The following SIPA1L1 variants were observed in gnomAD, a reference collection of about 807,000 sequenced individuals.
The protein encoded by SIPA1L1 is signal-induced proliferation-associated 1-like protein 1.
Under a neutral mutation model 162.7 loss-of-function variants are expected in SIPA1L1, and 26 were observed. The ratio of observed to expected loss-of-function variants is 0.16; its 90% CI spans 0.12 to 0.22. The LOEUF is 0.22. Among genes scored for constraint, SIPA1L1 ranks in the 10% least tolerant of loss-of-function variants. The pLI, the probability that SIPA1L1 is intolerant of heterozygous loss-of-function variation, is 1.00. For missense variants in SIPA1L1, 1,874 were observed against 2,241.0 expected (o/e 0.84, Z 3.31); for synonymous variants, 829 against 837.4 (o/e 0.99, Z 0.17).
intron 5 of SIPA1L1, among the ~76,000 whole-genome samples, chr14:71,591,731 T>A (rs1405087517): frequency 6.6e-6 from 1 of 152,200 alleles, no homozygotes; most frequent in Admixed American, 6.5e-5. Flanking sequence ...GATTCTACTC[T>A]TTTAAATTCT....
intron 2 of SIPA1L1, among the ~76,000 whole-genome samples, chr14:71,379,270 T>TA (rs1424526447): frequency 2.0e-5 from 3 of 152,122 alleles, no homozygotes; most frequent in Non-Finnish European, 4.4e-5. Context: ...GTCATCCACT[T>TA]ACTTACATTA....
chr14:71,633,945 G>A (rs1447626139), intron 7 of SIPA1L1, among the ~76,000 whole-genome samples: 2 of 151,942 alleles, frequency 1.3e-5, no homozygotes, highest in Non-Finnish European at 2.9e-5. Context: ...TCCCAAATTT[G>A]GTCAAAGGTG....
At position 71,588,771 on chromosome 14, in the gene SIPA1L1, G is replaced by T. The variant is rs369245592; in HGVS notation, c.899G>T (p.Arg300Leu). ...GACTCATCTATTTTTCGTAAATTGC[G>T]CAATGCCAAAGGTGAAGAACTTGGG... ...TGDSSIFRKL[R>L]NAKGEELGKS... Residue 300 changes from arginine (R) to leucine (L), a missense_variant, in exon 5 of 24, where the codon CGC becomes CTC. By Grantham distance (102) the Arg-to-Leu change is moderately radical (BLOSUM62 -2). Coordinates refer to ENST00000381232, the MANE Select transcript of SIPA1L1 (RefSeq NM_001386936.1). The surrounding 1 kb of genome is among the most constrained non-coding windows in gnomAD (Gnocchi z 4.3). The T allele has an allele frequency of 1.7e-5, 27 of 1,613,498 alleles. 1 individual carries two copies. In the Admixed American group the frequency reaches 3.0e-4, roughly 18 times the overall value.
intron 4 of SIPA1L1, among the ~76,000 whole-genome samples, chr14:71,538,020 G>C (rs542702664): frequency 6.6e-6 from 1 of 152,176 alleles, no homozygotes; most frequent in South Asian, 2.1e-4. Context: ...CTGACTTGCT[G>C]ATTTGTTAAC....
intron 2 of SIPA1L1, among the ~76,000 whole-genome samples, chr14:71,410,294 C>G (rs2042312412): frequency 6.6e-6 from 1 of 152,120 alleles, no homozygotes; most frequent in Non-Finnish European, 1.5e-5. Context: ...TTTTAGTTTA[C>G]TTTTCAAAGT....
chr14:71,617,218 A>G (rs2038940267), intron 5 of SIPA1L1, among the ~76,000 whole-genome samples: 1 of 152,092 alleles, frequency 6.6e-6, no homozygotes, highest in African/African-American at 2.4e-5. Context: ...GTTCTATCAC[A>G]TTGCTGTCTG....
intron 23 of SIPA1L1, 97 bp downstream of exon 23, chr14:71,738,422 G>T (rs1438953797): frequency 3.9e-6 from 3 of 769,036 alleles, no homozygotes; most frequent in Non-Finnish European, 6.4e-6. Flanking sequence ...TAAGACGTGG[G>T]TGTCTTCCCG....
intron 2 of SIPA1L1, among the ~76,000 whole-genome samples, chr14:71,341,639 A>G (rs1198159479): frequency 6.6e-6 from 1 of 151,034 alleles, no homozygotes; most frequent in African/African-American, 2.4e-5. Flanking sequence ...TAGTTTTTCA[A>G]CTCATCCCTC....
intron 2 of SIPA1L1, among the ~76,000 whole-genome samples, chr14:71,494,430 A>T (rs1029783786): frequency 6.6e-6 from 1 of 151,176 alleles, no homozygotes; most frequent in Non-Finnish European, 1.5e-5. Context: ...TGACTTTTGG[A>T]GGTTATAATA....
intron 2 of SIPA1L1, among the ~76,000 whole-genome samples, chr14:71,327,206 C>T: frequency 6.6e-6 from 1 of 151,860 alleles, no homozygotes; most frequent in East Asian, 1.9e-4. Flanking sequence ...CAACAGCCTC[C>T]TGAGTAGCTG....
rs150141274 is a variant in SIPA1L1 at position 71,662,289 on chromosome 14, T to C, written c.2255+822T>C. On this transcript the variant is annotated intron_variant, in intron 10 of 23. Transcript: ENST00000381232. ...GAGTAAGGCAGATTAATTCTAGGAGTAGAGTAAGCGTAGCTTAGGGAAAAA... is the reference window on the plus strand; with the variant it reads ...GAGTAAGGCAGATTAATTCTAGGAGCAGAGTAAGCGTAGCTTAGGGAAAAA... 3.1e-3 allele frequency among the ~76,000 whole-genome samples: 476 copies of C among 152,170 alleles called. 7 individuals carry two copies. The highest frequency in any genetic ancestry group is 0.031 in the South Asian group (148 of 4,822).
chr14:71,466,364 C>T (rs1032049439), intron 2 of SIPA1L1, among the ~76,000 whole-genome samples: 3 of 152,112 alleles, frequency 2.0e-5, no homozygotes, highest in Non-Finnish European at 4.4e-5. Flanking sequence ...TGAAGACAGG[C>T]GGATTGCATC....
intron 4 of SIPA1L1, among the ~76,000 whole-genome samples, chr14:71,531,884 T>G (rs2053477259): frequency 6.6e-6 from 1 of 152,208 alleles, no homozygotes; most frequent in Non-Finnish European, 1.5e-5. Flanking sequence ...CTGTTACCCT[T>G]TGCTCTTGCT....
At chr14:71,631,740 A>G (rs964929693) in intron 7 of SIPA1L1, among the ~76,000 whole-genome samples, 1 of 152,226 alleles carries the variant, frequency 6.6e-6, no homozygotes, top group Non-Finnish European at 1.5e-5. Flanking sequence ...ACTATTTAGT[A>G]TCCATATGTC....
At chr14:71,434,747 T>TAA in intron 2 of SIPA1L1, among the ~76,000 whole-genome samples, 1 of 152,226 alleles carries the variant, frequency 6.6e-6, no homozygotes, top group South Asian at 2.1e-4. Flanking sequence ...CCCAACTAAC[T>TAA]TACTATTTTT....
At position 71,613,063 on chromosome 14, in the gene SIPA1L1, C is replaced by G. The variant is rs1048790629; in HGVS notation, c.1499-5694C>G. ...TATGGATATAATGTTAATCTCTCCCCCTTTCAACAAAACCTTAGCTAAACA... is the reference window on the plus strand; with the variant it reads ...TATGGATATAATGTTAATCTCTCCCGCTTTCAACAAAACCTTAGCTAAACA... On this transcript the variant is annotated intron_variant, in intron 5 of 23. Coordinates refer to ENST00000381232, the MANE Select transcript of SIPA1L1 (RefSeq NM_001386936.1). 4.6e-5 allele frequency among the ~76,000 whole-genome samples: 7 copies of G among 152,084 alleles called. No homozygotes were observed. The East Asian group carries it at 5.8e-4, about 13-fold the overall frequency.
chr14:71,603,028 G>A (rs2036974847), intron 5 of SIPA1L1, among the ~76,000 whole-genome samples: 1 of 152,088 alleles, frequency 6.6e-6, no homozygotes, highest in Non-Finnish European at 1.5e-5. Context: ...TATGTATCTG[G>A]GTGCTCTGGT....
chr14:71,427,639 T>TAG (rs1366171493), intron 2 of SIPA1L1, among the ~76,000 whole-genome samples: 3 of 152,204 alleles, frequency 2.0e-5, no homozygotes, highest in Non-Finnish European at 4.4e-5. Context: ...CTTGATCATT[T>TAG]TCATTGTCCT....
chr14:71,690,996 G>A (rs2081214587), intron 13 of SIPA1L1, among the ~76,000 whole-genome samples: 1 of 152,142 alleles, frequency 6.6e-6, no homozygotes, highest in Admixed American at 6.5e-5. Flanking sequence ...ACCCACCTTG[G>A]TGGATGGCTT....
Sources: allele counts gnomAD v4.1 joint callset (sites outside exome capture counted in the v4.1 genomes callset), GRCh38; gene constraint gnomAD v4.1.1; non-coding constraint Gnocchi (gnomAD v3.1); transcripts MANE v1.5; gene names NCBI Gene and HGNC (gene_info 2026-07-23, HGNC 2026-07-21).